AOC1: variants seen among roughly 807,000 people sequenced by gnomAD.
AOC1 encodes amine oxidase copper containing 1, also known as diamine oxidase [copper-containing].
AOC1 carries 58 observed loss-of-function variants against 57.1 expected under a neutral mutation model. That is an observed-to-expected ratio of 1.02 (90% CI 0.82 to 1.26). The LOEUF is 1.26. AOC1 is among the 50% of genes most tolerant of loss of function. AOC1 has a pLI of 0.00. For missense variants in AOC1, 917 were observed against 1,005.3 expected, an observed-to-expected ratio of 0.91 and a Z score of 1.19; for synonymous variants, 401 against 423.4, an observed-to-expected ratio of 0.95 and a Z score of 0.65.
intron 1 of AOC1, among the ~76,000 whole-genome samples, chr7:150,853,234 A>G (rs1197974144): frequency 6.6e-6 from 1 of 152,182 alleles, no homozygotes; most frequent in Non-Finnish European, 1.5e-5. Context: ...ATGCAGCAGC[A>G]AGAGTGAGTC....
intron 1 of AOC1, chr7:150,854,276 G>A (rs1270695769): frequency 6.6e-6 from 1 of 152,250 alleles, no homozygotes; most frequent in Non-Finnish European, 1.5e-5. Context: ...CCATGACCAT[G>A]GAGCAAAACG....
chr7:150,857,197 T>C lies in AOC1; in HGVS notation c.727T>C (p.Tyr243His). 1 of 1,613,206 alleles carries C rather than the reference T, an allele frequency of 6.2e-7. No individual in the cohort carries two copies. The highest frequency in any genetic ancestry group is 1.7e-5 in the Admixed American group (1 of 59,942). The change falls in exon 2 of 5, where the codon TAT becomes CAT. Residue 243 changes from tyrosine to histidine, a missense_variant. Physicochemically the swap from Tyr to His is moderately conservative, Grantham distance 83. Coordinates refer to ENST00000360937, the MANE Select transcript of AOC1 (RefSeq NM_001091.4). The surrounding 1 kb of genome is among the most constrained non-coding windows in gnomAD (Gnocchi z 6.6). ...VEQVWYNGKFYGSPEELARKY... is the reference protein window; with the variant it reads ...VEQVWYNGKFHGSPEELARKY... ...GCAGGTGTGGTACAACGGGAAGTTCTATGGGAGCCCAGAGGAACTGGCTCG... is the reference window on the plus strand; with the variant it reads ...GCAGGTGTGGTACAACGGGAAGTTCCATGGGAGCCCAGAGGAACTGGCTCG...
intron 3 of AOC1, 192 bp from the exon 4 acceptor site, chr7:150,860,309 G>T: frequency 1.3e-6 from 1 of 785,142 alleles, no homozygotes. Context: ...GGAGGGGGGC[G>T]GGGAGGACTC....
At chr7:150,858,361 G>A (rs1799859063) in intron 2 of AOC1, among the ~76,000 whole-genome samples, 1 of 152,054 alleles carries the variant, frequency 6.6e-6, no homozygotes, top group Non-Finnish European at 1.5e-5. Flanking sequence ...GTATTGTCTG[G>A]GAATATTCAG....
chr7:150,855,936 T>C (rs1459339991), intron 1 of AOC1, among the ~76,000 whole-genome samples: 2 of 151,444 alleles, frequency 1.3e-5, no homozygotes, highest in Non-Finnish European at 3.0e-5. Context: ...ACACAGCAAG[T>C]CCTAGTGGCA....
chr7:150,856,694 T>A lies in AOC1; in HGVS notation c.224T>A (p.Leu75Gln). 1 of 1,614,182 alleles carries A rather than the reference T, an allele frequency of 6.2e-7. No individual in the cohort carries two copies. Among genetic ancestry groups the A allele is most frequent in the Non-Finnish European group, 8.5e-7 (1 of 1,179,992 alleles). ...AKNTVFLIEM[L>Q]LPKKYHVLRF... ...AACACCGTGTTTCTCATCGAGATGC[T>A]GCTGCCCAAGAAGTACCATGTGCTG... Residue 75 changes from leucine to glutamine, a missense_variant, in exon 2 of 5, where the codon CTG becomes CAG. By Grantham distance (113) the Leu-to-Gln change is moderately radical. Coordinates refer to ENST00000360937, the MANE Select transcript of AOC1 (RefSeq NM_001091.4). The surrounding 1 kb of genome is among the most constrained non-coding windows in gnomAD (Gnocchi z 5.2).
In AOC1 at chr7:150,857,610, C is replaced by T. The variant is rs1488499252; in HGVS notation, c.1140C>T (p.Ser380=). 4 of 1,613,952 alleles carry T rather than the reference C, an allele frequency of 2.5e-6. No individual in the cohort carries two copies. In the Admixed American group the frequency reaches 5.0e-5, roughly 20 times the overall value. The change falls in exon 2 of 5, where the codon AGC becomes AGT. Residue 380 remains serine (S), a synonymous_variant. Coordinates refer to ENST00000360937, the MANE Select transcript of AOC1 (RefSeq NM_001091.4). This position sits in a 1 kb window ranked among gnomAD's most constrained non-coding sequence, Gnocchi z 6.6. ...TCGATGTCGGCTGGGGCCTGGGCAGCGTCACTCATGAGTTAGCCCCCGGCA... is the reference window on the plus strand; with the variant it reads ...TCGATGTCGGCTGGGGCCTGGGCAGTGTCACTCATGAGTTAGCCCCCGGCA... ...KYLDVGWGLG[S]VTHELAPGID... is the part of the protein sequence containing the mutation.
intron 3 of AOC1, among the ~76,000 whole-genome samples, chr7:150,859,468 C>A (rs550731690): frequency 6.6e-6 from 1 of 151,884 alleles, no homozygotes; most frequent in Non-Finnish European, 1.5e-5. Flanking sequence ...CTTTGGGAAG[C>A]TGAGGCAGAC....
rs6943420 is a variant in AOC1, at chr7:150,858,968, G to C, written c.1776G>C (p.Thr592=). ...PQENPWGHKR[T]YRLQIHSMAD... is the part of the protein sequence containing the mutation. The stretch of plus-strand genomic sequence containing the variant: ...AGAACCCCTGGGGCCACAAGCGCAC[G>C]TACCGCCTGCAGATCCACTCCATGG... Residue 592 remains threonine, a synonymous_variant, in exon 3 of 5, where the codon ACG becomes ACC. Transcript: ENST00000360937. 1 allele frequency: 1,608,876 copies of C among 1,608,888 alleles called. 804,432 individuals are homozygous for C. The highest frequency in any genetic ancestry group is 1 in the Middle Eastern group (6,046 of 6,046).
chr7:150,854,243 T>C (rs1799707944), intron 1 of AOC1: 1 of 151,422 alleles, frequency 6.6e-6, no homozygotes, highest in South Asian at 2.1e-4. Flanking sequence ...ACAAGGCAAC[T>C]AGAGGGACAT....
In AOC1 at chr7:150,857,032, G is replaced by A. The variant is rs1584799248; in HGVS notation, c.562G>A (p.Ala188Thr). 6.2e-7 allele frequency: 1 copy of A among 1,613,986 alleles called. No homozygotes were observed. Among genetic ancestry groups the A allele is most frequent in the African/African-American group, 1.3e-5 (1 of 74,920 alleles). The part of the protein sequence containing the change: ...HDRCLAFTDV[A>T]PRGVASGQRR... ...CAGATGCCTGGCCTTCACCGATGTG[G>A]CCCCCCGGGGTGTGGCTTCTGGCCA... The change falls in exon 2 of 5, where the codon GCC becomes ACC. Residue 188 changes from alanine (A) to threonine (T), a missense_variant. Coordinates refer to ENST00000360937, the MANE Select transcript of AOC1 (RefSeq NM_001091.4). The surrounding 1 kb of genome is among the most constrained non-coding windows in gnomAD (Gnocchi z 6.6).
In AOC1 at chr7:150,852,658, G is replaced by A. The variant is rs948490632; in HGVS notation, c.-17+100G>A. The A allele has an allele frequency of 3.3e-5, 5 of 153,332 alleles. No homozygotes were observed. Among genetic ancestry groups the A allele is most frequent in the African/African-American group, 1.2e-4 (5 of 41,468 alleles). 9.5% of individuals were successfully genotyped at this position (153,332 alleles called of 1,614,324 possible). Reference sequence around the variant, plus strand: ...ACAGAGTGAGGGGCAGAAGAAACAGGACACAGAGGGAGGAGGGCCAGGAAG... The same window carrying A: ...ACAGAGTGAGGGGCAGAAGAAACAGAACACAGAGGGAGGAGGGCCAGGAAG... On this transcript the variant is annotated intron_variant, in intron 1 of 4. Coordinates refer to ENST00000360937, the MANE Select transcript of AOC1 (RefSeq NM_001091.4). This position sits in a 1 kb window ranked among gnomAD's most constrained non-coding sequence, Gnocchi z 4.6.
rs773742510 is a variant in AOC1 at position 150,857,502 on chromosome 7, G to A, written c.1032G>A (p.Glu344=). ...TCCTGAACGTGCACTTCGGCGGAGAGCGCATTGCCTATGAGGTCAGCGTGC... is the reference window on the plus strand; with the variant it reads ...TCCTGAACGTGCACTTCGGCGGAGAACGCATTGCCTATGAGGTCAGCGTGC... ...LQVLNVHFGG[E]RIAYEVSVQE... The change falls in exon 2 of 5, where the codon GAG becomes GAA. Residue 344 remains glutamate (E), a synonymous_variant. Coordinates refer to ENST00000360937, the MANE Select transcript of AOC1 (RefSeq NM_001091.4). The surrounding 1 kb of genome is among the most constrained non-coding windows in gnomAD (Gnocchi z 6.6). The A allele has an allele frequency of 1.2e-6, 2 of 1,613,768 alleles. No individual in the cohort carries two copies. Among genetic ancestry groups the A allele is most frequent in the East Asian group, 2.2e-5 (1 of 44,880 alleles).
Position 150,861,023 on chromosome 7 carries a change from C to T in AOC1, c.2070C>T (p.Asn690=), listed in dbSNP as rs576525961. The T allele has an allele frequency of 6.2e-7, 1 of 1,614,062 alleles. No individual in the cohort carries two copies. The highest frequency in any genetic ancestry group is 8.5e-7 in the Non-Finnish European group (1 of 1,179,978). ...TTCCCAACACAGCCACACCTGGGAA[C>T]TCCGTGGGCTTCCTGCTCCGGCCAT... The part of the protein sequence containing the change: ...EDIPNTATPG[N]SVGFLLRPFN... The change falls in exon 5 of 5, where the codon AAC becomes AAT. Residue 690 remains asparagine, a synonymous_variant. Coordinates refer to ENST00000360937, the MANE Select transcript of AOC1 (RefSeq NM_001091.4). This position sits in a 1 kb window ranked among gnomAD's most constrained non-coding sequence, Gnocchi z 4.5.
At chr7:150,853,693 ATATATT>A (rs1441743928) in intron 1 of AOC1, among the ~76,000 whole-genome samples, 107 of 60,610 alleles carry the variant, frequency 1.8e-3, no homozygotes, top group Non-Finnish European at 2.0e-3. Flanking sequence ...ATATATATAT[ATATATT>A]TATTTATTTA....
Position 150,857,035 on chromosome 7 carries a change from C to A in AOC1, c.565C>A (p.Pro189Thr). 1.2e-6 allele frequency: 2 copies of A among 1,614,168 alleles called. No individual in the cohort carries two copies. The highest frequency in any genetic ancestry group is 1.7e-5 in the Admixed American group (1 of 60,024). ...ATGCCTGGCCTTCACCGATGTGGCC[C>A]CCCGGGGTGTGGCTTCTGGCCAGCG... ...DRCLAFTDVAPRGVASGQRRS... is the reference protein window; with the variant it reads ...DRCLAFTDVATRGVASGQRRS... The change falls in exon 2 of 5, where the codon CCC (proline) becomes ACC (threonine). Residue 189 changes from proline to threonine, a missense_variant. Coordinates refer to ENST00000360937, the MANE Select transcript of AOC1 (RefSeq NM_001091.4). This position sits in a 1 kb window ranked among gnomAD's most constrained non-coding sequence, Gnocchi z 6.6.
At chr7:150,860,428 G>T (rs767282755) in intron 3 of AOC1, 73 bp from the exon 4 acceptor site, 1 of 1,608,062 alleles carries the variant, frequency 6.2e-7, no homozygotes, top group Admixed American at 1.7e-5. Flanking sequence ...TGACCCTGAG[G>T]CTGTTCCCTG....
In AOC1 at chr7:150,858,914, T is replaced by C. The variant is rs1049748; in HGVS notation, c.1722T>C (p.Pro574=). 0.43 allele frequency: 693,579 copies of C among 1,611,814 alleles called. 152,560 individuals carry two copies. The highest frequency in any genetic ancestry group is 0.61 in the East Asian group (27,260 of 44,798). ...CCTTCCGCTTCAAAAGGAAGCTGCCTAAGTACCTGCTCTTTACCAGCCCCC... is the reference window on the plus strand; with the variant it reads ...CCTTCCGCTTCAAAAGGAAGCTGCCCAAGTACCTGCTCTTTACCAGCCCCC... ...QAAFRFKRKL[P]KYLLFTSPQE... is the part of the protein sequence containing the mutation. Residue 574 remains proline, a synonymous_variant, in exon 3 of 5, where the codon CCT becomes CCC. Transcript: ENST00000360937.
chr7:150,860,674 C>T (rs1484063253), intron 4 of AOC1, 41 bp downstream of exon 4: 4 of 1,597,450 alleles, frequency 2.5e-6, no homozygotes, highest in Non-Finnish European at 3.4e-6. Context: ...CTGGCCCTGC[C>T]TCCTTCCAGC....
Sources: allele counts gnomAD v4.1 joint callset (sites outside exome capture counted in the v4.1 genomes callset), GRCh38; gene constraint gnomAD v4.1.1; non-coding constraint Gnocchi (gnomAD v3.1); transcripts MANE v1.5; gene names NCBI Gene and HGNC (gene_info 2026-07-23, HGNC 2026-07-21).